Variants in TMEM74 observed in about 807,000 individuals in gnomAD.
TMEM74 encodes transmembrane protein 74.
In TMEM74, 13 loss-of-function variants were observed where a neutral mutation model predicts 18.1. The ratio of observed to expected loss-of-function variants is 0.72; its 90% CI spans 0.47 to 1.14. The LOEUF (loss-of-function observed/expected upper bound fraction) is 1.14. Ranked by LOEUF, TMEM74 falls within the 50% of genes most tolerant of loss-of-function variation. The probability of loss-of-function intolerance (pLI) is 0.00; values close to 1 mark genes in which losing one functional copy is unlikely to be tolerated. For missense variants in TMEM74, 372 were observed against 375.9 expected (o/e 0.99, Z 0.09); for synonymous variants, 159 against 146.6 (o/e 1.08, Z -0.61).
At chr8:108,658,801 G>A (rs1335363567) in intron 1 of TMEM74, among the ~76,000 whole-genome samples, 1 of 152,100 alleles carries the variant, frequency 6.6e-6, no homozygotes, top group African/African-American at 2.4e-5. Flanking sequence ...TGAATACAAA[G>A]ATTAGAAAAA....
intron 2 of TMEM74, among the ~76,000 whole-genome samples, chr8:108,611,012 G>A (rs553749090): frequency 6.6e-6 from 1 of 152,288 alleles, no homozygotes; most frequent in East Asian, 1.9e-4. Context: ...GATAAAATGT[G>A]AAAAACCTGA....
At chr8:108,705,658 C>T (rs185373836) in intron 1 of TMEM74, among the ~76,000 whole-genome samples, 345 of 152,124 alleles carry the variant, frequency 2.3e-3, no homozygotes, top group Middle Eastern at 3.4e-3. Flanking sequence ...GAAATCTTAA[C>T]AGTAAAATGG....
chr8:108,607,711 C>G (rs1263689192), exon 4 of TMEM74: 2 of 152,298 alleles, frequency 1.3e-5, no homozygotes, highest in South Asian at 4.1e-4. Context: ...TTTGGCTCTT[C>G]ACTTTCAGGT....
intron 1 of TMEM74, among the ~76,000 whole-genome samples, chr8:108,764,716 G>A (rs1814082903): frequency 1.3e-5 from 2 of 152,116 alleles, no homozygotes; most frequent in Non-Finnish European, 2.9e-5. Flanking sequence ...GGGAATATGA[G>A]CTTGAACTGC....
intron 2 of TMEM74, among the ~76,000 whole-genome samples, chr8:108,642,391 C>CAAA (rs34602005): frequency 2.0e-4 from 13 of 63,460 alleles, no homozygotes; most frequent in African/African-American, 6.4e-4. Flanking sequence ...GACTCCATCT[C>CAAA]AAAAAAAAAA....
At chr8:108,652,457 G>A (rs1812784137) in intron 2 of TMEM74, 1 of 368,220 alleles carries the variant, frequency 2.7e-6, no homozygotes, top group Non-Finnish European at 5.1e-6. Context: ...ATATCTGAGA[G>A]CTTTCAGTTT....
chr8:108,729,158 C>A (rs188163431), intron 1 of TMEM74, among the ~76,000 whole-genome samples: 1 of 152,188 alleles, frequency 6.6e-6, no homozygotes, highest in African/African-American at 2.4e-5. Context: ...AGGGAAAAAA[C>A]TACTCTTGGG....
At chr8:108,622,072 G>A (rs781147713) in intron 2 of TMEM74, among the ~76,000 whole-genome samples, 20 of 151,942 alleles carry the variant, frequency 1.3e-4, no homozygotes, top group Non-Finnish European at 2.5e-4. Flanking sequence ...ATCTTAACAC[G>A]TAATCTACTC....
At chr8:108,676,218 T>C (rs1262492349) in intron 1 of TMEM74, among the ~76,000 whole-genome samples, 1 of 152,182 alleles carries the variant, frequency 6.6e-6, no homozygotes, top group African/African-American at 2.4e-5. Context: ...GTAGGGTCAC[T>C]TCTGGGGACT....
At chr8:108,728,160 C>T (rs190661491) in intron 1 of TMEM74, among the ~76,000 whole-genome samples, 2 of 152,008 alleles carry the variant, frequency 1.3e-5, no homozygotes, top group Non-Finnish European at 2.9e-5. Context: ...GCAAATGGGG[C>T]TTTTTTAAAA....
chr8:108,607,211 A>T (rs1311389421), exon 4 of TMEM74: 2 of 152,212 alleles, frequency 1.3e-5, no homozygotes, highest in Non-Finnish European at 2.9e-5. Context: ...CCAGCTTTTG[A>T]TGTTCAGAAT....
At chr8:108,699,196 C>CTTCCTTCCTTT (rs1563529313) in intron 1 of TMEM74, among the ~76,000 whole-genome samples, 1 of 123,190 alleles carries the variant, frequency 8.1e-6, no homozygotes, top group African/African-American at 3.0e-5. Context: ...TCCCTCCCTC[C>CTTCCTTCCTTT]CTCCCTCCCT....
chr8:108,698,653 A>G (rs1813304549), intron 1 of TMEM74, among the ~76,000 whole-genome samples: 1 of 152,208 alleles, frequency 6.6e-6, no homozygotes, highest in Non-Finnish European at 1.5e-5. Flanking sequence ...CAGAAACATC[A>G]GTGGAAGTCC....
At chr8:108,641,269 A>T (rs573941159) in intron 2 of TMEM74, among the ~76,000 whole-genome samples, 1 of 152,352 alleles carries the variant, frequency 6.6e-6, no homozygotes, top group South Asian at 2.1e-4. Context: ...TTGTAATAAC[A>T]ATATATACTC....
intron 1 of TMEM74, among the ~76,000 whole-genome samples, chr8:108,738,278 A>C (rs1463460987): frequency 6.6e-6 from 1 of 152,164 alleles, no homozygotes; most frequent in African/African-American, 2.4e-5. Flanking sequence ...AGGATGTATG[A>C]TTGGGGCCTT....
chr8:108,759,763 A>C (rs147134684), intron 1 of TMEM74, among the ~76,000 whole-genome samples: 3 of 152,258 alleles, frequency 2.0e-5, no homozygotes, highest in African/African-American at 7.2e-5. Context: ...AGGAGAACTG[A>C]GAGAATGAGG....
chr8:108,719,305 T>C (rs983976527), intron 1 of TMEM74, among the ~76,000 whole-genome samples: 1 of 152,142 alleles, frequency 6.6e-6, no homozygotes, highest in Non-Finnish European at 1.5e-5. Context: ...ATTTTGTTAA[T>C]ATTTTTAAAA....
chr8:108,783,617 A>G lies in TMEM74; in HGVS notation c.*564T>C. ...TGAAAACAGGAATAATTTCAAACAT[A>G]ACATTTTTTACAATAAGGAAAGCCC... is the stretch of plus-strand genomic sequence containing the variant. On this transcript the variant is annotated 3_prime_UTR_variant, in exon 2 of 2. Transcript: ENST00000297459. 1 of 152,208 alleles carries G rather than the reference A, an allele frequency of 6.6e-6. No homozygotes were observed. The highest frequency in any genetic ancestry group is 1.9e-4 in the East Asian group (1 of 5,192). The allele number at this position is 152,208 out of a possible 1,614,324, so 9.4% of individuals were successfully genotyped here.
At chr8:108,699,037 T>TC (rs1490368863) in intron 1 of TMEM74, among the ~76,000 whole-genome samples, 1 of 152,090 alleles carries the variant, frequency 6.6e-6, no homozygotes, top group Non-Finnish European at 1.5e-5. Context: ...ATCAGGGCTC[T>TC]CACTTCCCAT....
Sources: allele counts gnomAD v4.1 joint callset (sites outside exome capture counted in the v4.1 genomes callset), GRCh38; gene constraint gnomAD v4.1.1; transcripts MANE v1.5; gene names NCBI Gene and HGNC (gene_info 2026-07-23, HGNC 2026-07-21).